The following GLYAT variants were observed in gnomAD, a reference collection of about 807,000 sequenced individuals.
The protein encoded by GLYAT is glycine N-acyltransferase.
A neutral mutation model predicts 22.8 loss-of-function variants in GLYAT; 25 were observed. That is an observed-to-expected ratio of 1.09 (90% confidence interval 0.80 to 1.53). The LOEUF (loss-of-function observed/expected upper bound fraction) is 1.53, where lower values mean the gene tolerates loss of function less well. Among genes scored for constraint, GLYAT ranks in the 40% most tolerant of loss-of-function variants. The probability of loss-of-function intolerance (pLI) is 0.00; values close to 1 mark genes in which losing one functional copy is unlikely to be tolerated. For synonymous variants in GLYAT, 140 were observed against 122.7 expected (o/e 1.14, Z -0.93); for missense variants, 411 against 353.9 (o/e 1.16, Z -1.29).
At chr11:58,716,744 A>G (rs1411114722) in intron 2 of GLYAT, among the ~76,000 whole-genome samples, 1 of 152,100 alleles carries the variant, frequency 6.6e-6, no homozygotes, top group Non-Finnish European at 1.5e-5. Context: ...TTAATTTAGA[A>G]AGTTTATTTT....
At chr11:58,724,143 T>C (rs1856785184) in intron 2 of GLYAT, 1 of 308,852 alleles carries the variant, frequency 3.2e-6, no homozygotes, top group African/African-American at 2.1e-5. Context: ...CAAAAGGCAG[T>C]GTTTAGACTA....
At chr11:58,722,068 A>C (rs1167564529) in intron 2 of GLYAT, among the ~76,000 whole-genome samples, 1 of 152,042 alleles carries the variant, frequency 6.6e-6, no homozygotes, top group Non-Finnish European at 1.5e-5. Flanking sequence ...CTCCCCATCT[A>C]ATTAGGAATA....
At position 58,710,737 on chromosome 11, in the gene GLYAT, G is replaced by A; in HGVS notation, c.341C>T (p.Ala114Val). 2 of 1,608,858 alleles carry A rather than the reference G, an allele frequency of 1.2e-6. No homozygotes were observed. Among genetic ancestry groups the A allele is most frequent in the Non-Finnish European group, 1.7e-6 (2 of 1,175,260 alleles). ...IQSSQPSLNE[A>V]IQNLAAIKSF... ...CTTAATGGCTGCAAGATTTTGTATA[G>A]CCTCATTCAGGCTAGGCTGTGAACC... is the stretch of plus-strand genomic sequence containing the variant. Residue 114 changes from alanine (A) to valine (V), a missense_variant, in exon 5 of 6, where the codon GCT (alanine) becomes GTT (valine). By Grantham distance (64) the Ala-to-Val change is moderately conservative. Coordinates refer to ENST00000344743, the MANE Select transcript of GLYAT (RefSeq NM_201648.3).
chr11:58,731,408 T>C (rs977453219), intron 1 of GLYAT, among the ~76,000 whole-genome samples: 5 of 152,174 alleles, frequency 3.3e-5, no homozygotes, highest in African/African-American at 1.2e-4. Flanking sequence ...ATTGACAAAA[T>C]AGTTGTCAGA....
rs1253757309 is a variant in GLYAT at position 58,724,441 on chromosome 11, C to A, written c.56G>T (p.Arg19Met). The change falls in exon 2 of 6, where the codon AGG becomes ATG. Residue 19 changes from arginine (R) to methionine (M), a missense_variant. By Grantham distance (91) the Arg-to-Met change is moderately conservative. Coordinates refer to ENST00000344743, the MANE Select transcript of GLYAT (RefSeq NM_201648.3). ...QMLQMLEKSL[R>M]KSLPASLKVY... ...CTTTAAGGATGCTGGGAGGCTCTTC[C>A]TCAAGGATTTCTCCAGCATCTGCAG... 4.4e-6 allele frequency: 7 copies of A among 1,604,994 alleles called. No individual in the cohort carries two copies. Among genetic ancestry groups the A allele is most frequent in the Non-Finnish European group, 6.0e-6 (7 of 1,172,940 alleles).
intron 2 of GLYAT, among the ~76,000 whole-genome samples, chr11:58,716,030 A>G (rs1442370410): frequency 6.6e-6 from 1 of 152,162 alleles, no homozygotes; most frequent in Non-Finnish European, 1.5e-5. Flanking sequence ...CTGAATTCTT[A>G]TCAGTCAGCA....
rs1856862920 is a variant in GLYAT at position 58,730,694 on chromosome 11, C to T, written c.-16+1141G>A. On this transcript the variant is annotated intron_variant, in intron 1 of 5. Coordinates refer to ENST00000344743, the MANE Select transcript of GLYAT (RefSeq NM_201648.3). ...CTAACCCTGGACTCACTTGAGCCCACAGCAAGTTAAAGGTTACAATGAGTT... is the reference window on the plus strand; with the variant it reads ...CTAACCCTGGACTCACTTGAGCCCATAGCAAGTTAAAGGTTACAATGAGTT... Among the ~76,000 whole-genome samples the T allele has an allele frequency of 3.3e-5, 5 of 152,168 alleles. No homozygotes were observed. In the South Asian group the frequency reaches 1.0e-3, roughly 32 times the overall value.
intron 3 of GLYAT, 94 bp downstream of exon 3, chr11:58,715,222 A>G: frequency 1.6e-6 from 1 of 640,926 alleles, no homozygotes; most frequent in Middle Eastern, 4.0e-4. Flanking sequence ...ACTATGATTT[A>G]CTTCTGCATG....
chr11:58,728,960 AAAGAAAGGAAGGAAGG>A (rs1201528102), intron 1 of GLYAT, among the ~76,000 whole-genome samples: 1 of 151,446 alleles, frequency 6.6e-6, no homozygotes, highest in Non-Finnish European at 1.5e-5. Flanking sequence ...GAATAAAAGA[AAAGAAAGGAAGGAAGG>A]AAGAAAGGAA....
Position 58,709,829 on chromosome 11 carries a change from A to G in GLYAT, c.828T>C (p.Ser276=). The change falls in exon 6 of 6, where the codon AGT becomes AGC. Residue 276 remains serine (S), a synonymous_variant. Coordinates refer to ENST00000344743, the MANE Select transcript of GLYAT (RefSeq NM_201648.3). ...DYSNEAMQKM[S]YTLQHVPIPR... ...GAATGGGAACATGTTGCAGTGTGTA[A>G]CTCATTTTTTGCATAGCTTCATTGC... 1.2e-6 allele frequency: 2 copies of G among 1,613,900 alleles called. No homozygotes were observed. Among genetic ancestry groups the G allele is most frequent in the Non-Finnish European group, 1.7e-6 (2 of 1,179,808 alleles).
Position 58,709,833 on chromosome 11 carries a change from A to AT in GLYAT, c.823dup (p.Met275AsnfsTer39). 1 of 1,614,006 alleles carries AT rather than the reference A, an allele frequency of 6.2e-7. No homozygotes were observed. The highest frequency in any genetic ancestry group is 1.1e-5 in the South Asian group (1 of 91,088). Reference sequence around the variant, plus strand: ...GGGAACATGTTGCAGTGTGTAACTCATTTTTTGCATAGCTTCATTGCTGTA... The same window carrying AT: ...GGGAACATGTTGCAGTGTGTAACTCATTTTTTTGCATAGCTTCATTGCTGTA... On this transcript the variant is annotated frameshift_variant, in exon 6 of 6. Coordinates refer to ENST00000344743, the MANE Select transcript of GLYAT (RefSeq NM_201648.3). LOFTEE classifies it low-confidence loss of function (END_TRUNC).
At position 58,709,658 on chromosome 11, in the gene GLYAT, C is replaced by T. The variant is rs1856584281; in HGVS notation, c.*108G>A. The T allele has an allele frequency of 8.5e-7, 1 of 1,173,448 alleles. No homozygotes were observed. Among genetic ancestry groups the T allele is most frequent in the Non-Finnish European group, 1.2e-6 (1 of 825,714 alleles). 72.7% of individuals were successfully genotyped at this position (1,173,448 alleles called of 1,614,324 possible). The stretch of plus-strand genomic sequence containing the variant: ...TGCTTCCCCAGAGTCCAAACAGTGC[C>T]CACTCCTTTACTGCTGATTACAATT... On this transcript the variant is annotated 3_prime_UTR_variant, in exon 6 of 6. Coordinates refer to ENST00000344743, the MANE Select transcript of GLYAT (RefSeq NM_201648.3).
At chr11:58,711,848 T>C (rs909341996) in intron 4 of GLYAT, among the ~76,000 whole-genome samples, 1 of 152,232 alleles carries the variant, frequency 6.6e-6, no homozygotes, top group African/African-American at 2.4e-5. Flanking sequence ...TAAAAGTGCC[T>C]GCCCCATTGG....
intron 3 of GLYAT, 119 bp downstream of exon 3, chr11:58,715,197 G>A (rs963988124): frequency 3.7e-5 from 21 of 562,360 alleles, no homozygotes; most frequent in Non-Finnish European, 5.6e-5. Context: ...TGAGGATGGG[G>A]ACTTGTTGAC....
chr11:58,718,533 G>C (rs1309316910), intron 2 of GLYAT, among the ~76,000 whole-genome samples: 1 of 151,942 alleles, frequency 6.6e-6, no homozygotes, highest in East Asian at 1.9e-4. Context: ...TCAGAAACCT[G>C]CATTTAAGAG....
chr11:58,716,448 C>A (rs1938696), intron 2 of GLYAT, among the ~76,000 whole-genome samples: 32,864 of 151,774 alleles, frequency 0.22, 3,968 homozygotes, highest in African/African-American at 0.31. Context: ...AACTCTAAAT[C>A]GACTAAGTCT....
chr11:58,715,216 T>C (rs1856664426), intron 3 of GLYAT, 100 bp downstream of exon 3: 7 of 621,280 alleles, frequency 1.1e-5, no homozygotes, highest in Non-Finnish European at 2.0e-5. Context: ...ACTATTACTA[T>C]GATTTACTTC....
chr11:58,709,745 G>C lies in GLYAT; in HGVS notation c.*21C>G. The stretch of plus-strand genomic sequence containing the variant: ...TATACGCCCAGACCTGCCCAACACT[G>C]TCTTATGTTCAGGATTGGCATCACA... On this transcript the variant is annotated 3_prime_UTR_variant, in exon 6 of 6. Transcript: ENST00000344743. 2 of 1,591,944 alleles carry C rather than the reference G, an allele frequency of 1.3e-6. No individual in the cohort carries two copies. The highest frequency in any genetic ancestry group is 1.1e-5 in the South Asian group (1 of 87,306).
intron 2 of GLYAT, among the ~76,000 whole-genome samples, chr11:58,723,184 G>A (rs1047890995): frequency 2.6e-5 from 4 of 151,848 alleles, no homozygotes; most frequent in Admixed American, 2.0e-4. Flanking sequence ...TTTAAGAGTA[G>A]CCACTAATCA....
Sources: gnomAD v4.1 joint callset for allele counts (sites outside exome capture counted in the v4.1 genomes callset) on GRCh38, gnomAD v4.1.1 for gene constraint, MANE v1.5 for transcripts, NCBI Gene and HGNC (gene_info 2026-07-23, HGNC 2026-07-21) for gene names.